Variants in BRD10 observed in about 807,000 individuals in gnomAD.
The protein encoded by BRD10 is bromodomain containing 10.
chr9:5,947,335 G>T, the BRD10 span, among the ~76,000 whole-genome samples: 1 of 152,088 alleles, frequency 6.6e-6, no homozygotes, highest in Non-Finnish European at 1.5e-5. Context: ...TAACATTTTT[G>T]AGTAGTAAGG....
the BRD10 span, among the ~76,000 whole-genome samples, chr9:5,889,967 C>G: frequency 1.3e-5 from 2 of 152,070 alleles, no homozygotes; most frequent in Non-Finnish European, 2.9e-5. Flanking sequence ...CAGTTAACAC[C>G]AAAGGCATCA....
At chr9:5,919,771 A>T in the BRD10 span, 21 of 1,613,568 alleles carry the variant, frequency 1.3e-5, no homozygotes, top group Non-Finnish European at 1.7e-5. Context: ...CAGATACAAC[A>T]ATCTGAGAGA....
At chr9:5,912,089 T>C in the BRD10 span, among the ~76,000 whole-genome samples, 1 of 152,212 alleles carries the variant, frequency 6.6e-6, no homozygotes, top group Non-Finnish European at 1.5e-5. Flanking sequence ...GTTTTAATTG[T>C]AGAGATCTTT....
At chr9:5,951,556 A>C in the BRD10 span, among the ~76,000 whole-genome samples, 2 of 152,214 alleles carry the variant, frequency 1.3e-5, no homozygotes, top group African/African-American at 4.8e-5. Flanking sequence ...TAATGCTAGA[A>C]ATGTGATATT....
chr9:5,976,246 T>C, the BRD10 span, among the ~76,000 whole-genome samples: 1 of 152,174 alleles, frequency 6.6e-6, no homozygotes, highest in African/African-American at 2.4e-5. Flanking sequence ...AAAAATCAAA[T>C]GATTTAATCA....
the BRD10 span, among the ~76,000 whole-genome samples, chr9:5,973,370 G>A: frequency 3.7e-4 from 57 of 152,270 alleles, no homozygotes; most frequent in African/African-American, 1.3e-3. Context: ...AGGAGGCTGA[G>A]GCAGGAGAAT....
the BRD10 span, among the ~76,000 whole-genome samples, chr9:5,992,306 G>A: frequency 3.3e-5 from 5 of 152,076 alleles, no homozygotes; most frequent in African/African-American, 9.7e-5. Flanking sequence ...AAGAACACAA[G>A]CCAAGTTATT....
chr9:5,994,906 T>TTTTTTC, the BRD10 span, among the ~76,000 whole-genome samples: 1 of 151,828 alleles, frequency 6.6e-6, no homozygotes, highest in Admixed American at 6.6e-5. Flanking sequence ...TTTTTCTTTT[T>TTTTTTC]TTTTTTTTTT....
the BRD10 span, among the ~76,000 whole-genome samples, chr9:5,994,628 G>A: frequency 6.6e-6 from 1 of 152,126 alleles, no homozygotes; most frequent in African/African-American, 2.4e-5. Flanking sequence ...ATAACCAGTT[G>A]AGACCCATAA....
chr9:6,005,889 G>A, the BRD10 span, among the ~76,000 whole-genome samples: 14 of 152,084 alleles, frequency 9.2e-5, no homozygotes, highest in Non-Finnish European at 1.8e-4. Flanking sequence ...CTCTATGAAA[G>A]GATTCAAGAA....
At chr9:5,944,808 G>A in the BRD10 span, 1 of 714,920 alleles carries the variant, frequency 1.4e-6, no homozygotes, top group Non-Finnish European at 2.2e-6. Flanking sequence ...AAGGCTTTAG[G>A]AAAAAGCAGG....
chr9:5,882,363 G>A, the BRD10 span, among the ~76,000 whole-genome samples: 1 of 152,118 alleles, frequency 6.6e-6, no homozygotes, highest in Non-Finnish European at 1.5e-5. Context: ...TTATGCCTGA[G>A]CAAGGATTTC....
the BRD10 span, chr9:5,897,451 C>T: frequency 9.8e-7 from 1 of 1,015,374 alleles, no homozygotes; most frequent in Non-Finnish European, 1.5e-6. Flanking sequence ...GGAGATGCTG[C>T]TCTGGGTCGT....
chr9:5,969,139 C>G, the BRD10 span: 26 of 1,613,730 alleles, frequency 1.6e-5, no homozygotes, highest in South Asian at 2.9e-4. Context: ...TCCTATAAGG[C>G]AAAGTAGGTC....
At chr9:5,961,242 G>C in the BRD10 span, among the ~76,000 whole-genome samples, 2 of 152,168 alleles carry the variant, frequency 1.3e-5, no homozygotes, top group Admixed American at 6.5e-5. Flanking sequence ...TATTACGAAG[G>C]AGAAGTGTCT....
the BRD10 span, among the ~76,000 whole-genome samples, chr9:5,996,315 TTTTG>T: frequency 6.8e-6 from 1 of 146,138 alleles, no homozygotes; most frequent in African/African-American, 2.5e-5. Context: ...TGGTTTTTTT[TTTTG>T]TTGTTGTTGT....
chr9:5,940,440 A>T, the BRD10 span, among the ~76,000 whole-genome samples: 3 of 151,750 alleles, frequency 2.0e-5, no homozygotes, highest in Non-Finnish European at 2.9e-5. Flanking sequence ...TGATCCGCCC[A>T]CCTTGGCCTC....
At chr9:5,901,471 C>T in the BRD10 span, among the ~76,000 whole-genome samples, 1 of 152,134 alleles carries the variant, frequency 6.6e-6, no homozygotes, top group South Asian at 2.1e-4. Context: ...TTGATACAAT[C>T]TTGCAAATTT....
the BRD10 span, among the ~76,000 whole-genome samples, chr9:6,004,720 ATGC>A: frequency 6.6e-6 from 1 of 152,248 alleles, no homozygotes; most frequent in African/African-American, 2.4e-5. Flanking sequence ...AGTCATCTAT[ATGC>A]TGAAAATCAC....
Sources: gnomAD v4.1 joint callset for allele counts (sites outside exome capture counted in the v4.1 genomes callset) on GRCh38, gnomAD v4.1.1 for gene constraint, MANE v1.5 for transcripts, NCBI Gene and HGNC (gene_info 2026-07-23, HGNC 2026-07-21) for gene names.